CDH18: variants seen among roughly 807,000 people sequenced by gnomAD.
The protein encoded by CDH18 is cadherin 18, also known as cadherin-18.
Under a neutral mutation model 67.9 loss-of-function variants are expected in CDH18, and 31 were observed. That is an observed-to-expected ratio of 0.46 (90% CI 0.34 to 0.62). The LOEUF (loss-of-function observed/expected upper bound fraction) is 0.62, where lower values mean the gene tolerates loss of function less well. Ranked by LOEUF, CDH18 falls within the 20% of genes least tolerant of loss-of-function variation. The pLI is 0.01. For missense variants in CDH18, 890 were observed against 975.5 expected, an observed-to-expected ratio of 0.91 and a Z score of 1.17; for synonymous variants, 362 against 347.2, an observed-to-expected ratio of 1.04 and a Z score of -0.48.
intron 5 of CDH18, among the ~76,000 whole-genome samples, chr5:19,683,098 T>C (rs1160695320): frequency 1.4e-5 from 2 of 138,724 alleles, no homozygotes; most frequent in Non-Finnish European, 3.2e-5. Flanking sequence ...AAGTTCAACA[T>C]ATAACTCTAT....
chr5:20,336,283 T>A (rs942276120), intron 1 of CDH18, among the ~76,000 whole-genome samples: 3 of 151,788 alleles, frequency 2.0e-5, no homozygotes, highest in African/African-American at 7.3e-5. Flanking sequence ...GAGGGGGGAA[T>A]GAGAGAGGAC....
chr5:19,821,670 C>G (rs1779895650), intron 3 of CDH18, among the ~76,000 whole-genome samples: 1 of 151,986 alleles, frequency 6.6e-6, no homozygotes, highest in Non-Finnish European at 1.5e-5. Flanking sequence ...ATCAGGGTTT[C>G]CAAGGTCAAA....
intron 2 of CDH18, among the ~76,000 whole-genome samples, chr5:19,878,959 T>C (rs570968912): frequency 4.9e-4 from 75 of 152,106 alleles, no homozygotes; most frequent in Non-Finnish European, 9.4e-4. Flanking sequence ...AGCTAAAAAA[T>C]GTCTCTAGCT....
chr5:20,427,161 A>T (rs1192644016), intron 1 of CDH18, among the ~76,000 whole-genome samples: 1 of 151,160 alleles, frequency 6.6e-6, no homozygotes, highest in Non-Finnish European at 1.5e-5. Flanking sequence ...TCTACTTTAT[A>T]TTCAGTCAGG....
chr5:19,708,024 C>A (rs189625538), intron 5 of CDH18, among the ~76,000 whole-genome samples: 236 of 152,208 alleles, frequency 1.6e-3, no homozygotes, highest in African/African-American at 5.5e-3. Flanking sequence ...GGAAACATGG[C>A]GGTATAGTGG....
At chr5:20,112,052 A>C (rs1163224230) in intron 2 of CDH18, among the ~76,000 whole-genome samples, 7 of 152,206 alleles carry the variant, frequency 4.6e-5, no homozygotes, top group Admixed American at 3.9e-4. Flanking sequence ...ATTATAGCAA[A>C]TATGTGTAAG....
chr5:19,851,413 A>G (rs1334075250), intron 2 of CDH18, among the ~76,000 whole-genome samples: 2 of 150,114 alleles, frequency 1.3e-5, no homozygotes, highest in Non-Finnish European at 3.0e-5. Flanking sequence ...TTGAATATAA[A>G]AAGAAAAGCC....
At chr5:19,493,489 T>G (rs1487963672) in intron 11 of CDH18, among the ~76,000 whole-genome samples, 1 of 151,264 alleles carries the variant, frequency 6.6e-6, no homozygotes, top group Non-Finnish European at 1.5e-5. Context: ...GAGGCTAGAG[T>G]GGTACATGCT....
intron 1 of CDH18, among the ~76,000 whole-genome samples, chr5:20,466,284 G>GA (rs1751627771): frequency 1.3e-5 from 2 of 151,948 alleles, no homozygotes; most frequent in Admixed American, 6.6e-5. Flanking sequence ...TGTAATTACT[G>GA]AAAGTAAACT....
In CDH18 at chr5:20,127,061, C is replaced by T. The variant is rs185478378; in HGVS notation, c.-518+128383G>A. Among the ~76,000 whole-genome samples the T allele has an allele frequency of 2.6e-3, 392 of 152,266 alleles. 5 individuals are homozygous for T. The highest frequency in any genetic ancestry group is 2.3e-3 in the Non-Finnish European group (159 of 68,002). On this transcript the variant is annotated intron_variant, in intron 2 of 14. Transcript: ENST00000507958. The stretch of plus-strand genomic sequence containing the variant: ...TGGCTCTGTGTCCCCACCCAAATCT[C>T]ACATAGAATTGCAATCCCCAATGTG...
intron 3 of CDH18, among the ~76,000 whole-genome samples, chr5:19,757,777 C>T (rs1432638162): frequency 6.6e-6 from 1 of 152,180 alleles, no homozygotes; most frequent in African/African-American, 2.4e-5. Flanking sequence ...AGGCTACAGC[C>T]CAGGAATCAG....
chr5:20,217,561 G>T (rs1740880294), intron 2 of CDH18, among the ~76,000 whole-genome samples: 1 of 151,576 alleles, frequency 6.6e-6, no homozygotes, highest in Non-Finnish European at 1.5e-5. Flanking sequence ...CATACCACCT[G>T]AGAAAATCAT....
chr5:20,085,272 A>T (rs1193737568), intron 2 of CDH18, among the ~76,000 whole-genome samples: 2 of 152,106 alleles, frequency 1.3e-5, no homozygotes, highest in Non-Finnish European at 2.9e-5. Context: ...TTGCTAAAAC[A>T]TCTCAAGAGT....
intron 2 of CDH18, among the ~76,000 whole-genome samples, chr5:20,047,844 CA>C (rs1741047132): frequency 6.6e-6 from 1 of 151,698 alleles, no homozygotes. Flanking sequence ...GCAAATTGCA[CA>C]CCATATTATT....
rs368056309 is a variant in CDH18, at chr5:20,482,310, A to G, written c.-580+93152T>C. 3.3e-5 allele frequency among the ~76,000 whole-genome samples: 5 copies of G among 152,094 alleles called. No individual in the cohort carries two copies. The East Asian group carries it at 7.7e-4, about 23-fold the overall frequency. On this transcript the variant is annotated intron_variant, in intron 1 of 14. Transcript: ENST00000507958. ...ACCATAATAAAAAGTCTTCCAGCAA[A>G]TAAAAGCCTGGGAACCAATGGCTTC... is the stretch of plus-strand genomic sequence containing the variant.
chr5:20,519,957 T>G (rs1755637114), intron 1 of CDH18, among the ~76,000 whole-genome samples: 2 of 66,464 alleles, frequency 3.0e-5, no homozygotes, highest in Admixed American at 1.8e-4. Flanking sequence ...TTTTTTTTTT[T>G]TTTTTTTTTT....
At chr5:20,133,230 G>A (rs1749417053) in intron 2 of CDH18, among the ~76,000 whole-genome samples, 1 of 152,126 alleles carries the variant, frequency 6.6e-6, no homozygotes, top group African/African-American at 2.4e-5. Context: ...AATTTGTAAA[G>A]AAAAATAGGT....
rs1743231089 is a variant in CDH18, at chr5:20,244,591, CTT to C, written c.-518+10851_-518+10852del. Among the ~76,000 whole-genome samples the C allele has an allele frequency of 2.6e-5, 4 of 152,116 alleles. No individual in the cohort carries two copies. The South Asian group carries it at 6.2e-4, about 24-fold the overall frequency. On this transcript the variant is annotated intron_variant, in intron 2 of 14. Coordinates refer to the CDH18 transcript ENST00000507958. ...TTGTTTTTAAAAATTTAAGTAATAA[CTT>C]AAGCCTAAAAAATTGACAATTTCAT...
chr5:20,396,044 C>T lies in CDH18; in HGVS notation c.-579-140539G>A, dbSNP rs139772963. ...GATAAATAGTTACATATAAATAAGG[C>T]GTTTTCCTAAGTTCTGTGAGCCACT... On this transcript the variant is annotated intron_variant, in intron 1 of 14. Transcript: ENST00000507958. 5.9e-5 allele frequency among the ~76,000 whole-genome samples: 9 copies of T among 152,242 alleles called. No homozygotes were observed. In the East Asian group the frequency reaches 9.7e-4, roughly 16 times the overall value.
Sources: gnomAD v4.1 joint callset for allele counts (sites outside exome capture counted in the v4.1 genomes callset) on GRCh38, gnomAD v4.1.1 for gene constraint, MANE v1.5 for transcripts, NCBI Gene and HGNC (gene_info 2026-07-23, HGNC 2026-07-21) for gene names.